The following SCYL3 variants were observed in gnomAD, a reference collection of about 807,000 sequenced individuals.
SCYL3 encodes SCY1 like pseudokinase 3.
SCYL3 carries 35 observed loss-of-function variants against 73.8 expected under a neutral mutation model. That is an observed-to-expected ratio of 0.47 (90% CI 0.36 to 0.63). The LOEUF (loss-of-function observed/expected upper bound fraction) is 0.63, where lower values mean the gene tolerates loss of function less well. Ranked by LOEUF, SCYL3 falls within the 20% of genes least tolerant of loss-of-function variation. SCYL3 has a pLI of 0.00. For synonymous variants in SCYL3, 277 were observed against 295.2 expected (o/e 0.94, Z 0.63); for missense variants, 712 against 798.9 (o/e 0.89, Z 1.31).
intron 5 of SCYL3, among the ~76,000 whole-genome samples, chr1:169,870,976 A>C (rs1162045936): frequency 2.0e-5 from 3 of 152,232 alleles, no homozygotes; most frequent in African/African-American, 4.8e-5. Context: ...TATAAGAACA[A>C]ATTTATAGAA....
intron 3 of SCYL3, 123 bp from the exon 4 acceptor site, chr1:169,876,214 CA>C (rs1163803201): frequency 1.4e-5 from 7 of 488,690 alleles, no homozygotes; most frequent in South Asian, 9.2e-5. Context: ...TACTAATCAC[CA>C]AAAAAATTAT....
At chr1:169,870,698 T>C (rs55658131) in intron 5 of SCYL3, among the ~76,000 whole-genome samples, 109 of 152,222 alleles carry the variant, frequency 7.2e-4, no homozygotes, top group Non-Finnish European at 1.4e-3. Flanking sequence ...AACAAAAGTT[T>C]CATAAAACAG....
chr1:169,859,533 A>G (rs914470127), intron 10 of SCYL3, among the ~76,000 whole-genome samples: 10 of 152,260 alleles, frequency 6.6e-5, no homozygotes, highest in African/African-American at 2.4e-4. Context: ...CTCACATCAC[A>G]GAACTGTAAT....
At chr1:169,856,294 C>A (rs1380796076) in intron 11 of SCYL3, among the ~76,000 whole-genome samples, 1 of 152,130 alleles carries the variant, frequency 6.6e-6, no homozygotes, top group East Asian at 1.9e-4. Context: ...TACTTACTTT[C>A]CTTTTAAGAA....
intron 12 of SCYL3, 127 bp from the exon 13 acceptor site, chr1:169,853,899 T>TA: frequency 1.0e-6 from 1 of 999,800 alleles, no homozygotes; most frequent in Non-Finnish European, 1.5e-6. Context: ...TCGTACTAAG[T>TA]AAAATAACTT....
In SCYL3 at chr1:169,893,444, G is replaced by C. The variant is rs998991; in HGVS notation, c.-51+344C>G. ...GACCCCGCGGGGTCACTGAAGGGCC[G>C]AGGCGCCGCTCTCGCTTCGCTGGCC... On this transcript the variant is annotated intron_variant, in intron 1 of 12. Coordinates refer to ENST00000367771, the MANE Select transcript of SCYL3 (RefSeq NM_020423.7). 4.0e-3 allele frequency among the ~76,000 whole-genome samples: 604 copies of C among 152,122 alleles called. 16 individuals are homozygous for C. The highest frequency in any genetic ancestry group is 0.029 in the Admixed American group (438 of 15,296).
chr1:169,850,451 CA>C lies in SCYL3; in HGVS notation c.*3261del. On this transcript the variant is annotated 3_prime_UTR_variant, in exon 13 of 13. Transcript: ENST00000367771. ...GTGTCTTCTTAGCTTAAACTTTTCA[CA>C]GTGCTGAGCACAGTGCTGACGACTT... 3 of 748,230 alleles carry C rather than the reference CA, an allele frequency of 4.0e-6. No homozygotes were observed. Among genetic ancestry groups the C allele is most frequent in the Non-Finnish European group, 6.7e-6 (3 of 448,356 alleles). The allele number at this position is 748,230 out of a possible 1,614,324, so 46.3% of individuals were successfully genotyped here. A position where few individuals can be genotyped will look rare whatever the true frequency, so the allele number is the denominator to read the frequency against.
chr1:169,853,222 AGATAGTCT>A lies in SCYL3; in HGVS notation c.*483_*490del. The A allele has an allele frequency of 1.9e-6, 1 of 532,064 alleles. No individual in the cohort carries two copies. The highest frequency in any genetic ancestry group is 3.3e-6 in the Non-Finnish European group (1 of 300,274). The allele number at this position is 532,064 out of a possible 1,614,324, so 33.0% of individuals were successfully genotyped here. On this transcript the variant is annotated 3_prime_UTR_variant, in exon 13 of 13. Coordinates refer to ENST00000367771, the MANE Select transcript of SCYL3 (RefSeq NM_020423.7). ...TAGGTCCACAAAGAACCATTTACTCAGATAGTCTAACTGTAAACAAATAAATAAGCTGC... is the reference window on the plus strand; with the variant it reads ...TAGGTCCACAAAGAACCATTTACTCAAACTGTAAACAAATAAATAAGCTGC...
intron 11 of SCYL3, 141 bp downstream of exon 11, chr1:169,858,900 G>A: frequency 1.4e-6 from 1 of 697,158 alleles, no homozygotes; most frequent in South Asian, 2.4e-5. Context: ...ATCCCCCCGA[G>A]AAGTTCAGAA....
intron 10 of SCYL3, chr1:169,859,863 T>C (rs1393684956): frequency 6.6e-6 from 1 of 152,198 alleles, no homozygotes; most frequent in East Asian, 1.9e-4. Context: ...TGATTGGGTG[T>C]CTGCACTAAA....
Position 169,887,503 on chromosome 1 carries a change from A to C in SCYL3, c.165+1173T>G, listed in dbSNP as rs576691481. Among the ~76,000 whole-genome samples the C allele has an allele frequency of 7.9e-5, 12 of 152,380 alleles. No homozygotes were observed. In the East Asian group the frequency reaches 2.3e-3, roughly 29 times the overall value. Reference sequence around the variant, plus strand: ...ATTAAAAAAAATGCACAATCTTATTAGATGAAAATAACAGGAGGCATGTTA... The same window carrying C: ...ATTAAAAAAAATGCACAATCTTATTCGATGAAAATAACAGGAGGCATGTTA... On this transcript the variant is annotated intron_variant, in intron 2 of 12. Coordinates refer to ENST00000367771, the MANE Select transcript of SCYL3 (RefSeq NM_020423.7).
chr1:169,883,436 G>A (rs1275063830), intron 2 of SCYL3, among the ~76,000 whole-genome samples: 1 of 152,170 alleles, frequency 6.6e-6, no homozygotes, highest in Non-Finnish European at 1.5e-5. Flanking sequence ...AAGCTCTAGG[G>A]TCTACCCTAT....
chr1:169,854,668 TA>T lies in SCYL3; in HGVS notation c.1608del (p.Thr537GlnfsTer65). 1 of 1,614,088 alleles carries T rather than the reference TA, an allele frequency of 6.2e-7. No individual in the cohort carries two copies. ...TGCTCCCCTGAGGTAACAGGTTTTG[TA>T]GCAGTGATTCCACCTCCTGGGTTTA... ...TKVNPGGGITATKPVTSGEQK... is the reference protein window; with the variant it reads ...TKVNPGGGITXTKPVTSGEQK... On this transcript the variant is annotated frameshift_variant, in exon 12 of 13. Coordinates refer to ENST00000367771, the MANE Select transcript of SCYL3 (RefSeq NM_020423.7). LOFTEE classifies it high-confidence loss of function.
intron 6 of SCYL3, 104 bp downstream of exon 6, chr1:169,870,151 C>A: frequency 1.2e-6 from 1 of 808,408 alleles, no homozygotes; most frequent in Non-Finnish European, 1.9e-6. Flanking sequence ...GCAAAAGATT[C>A]CTTACTGTGC....
At position 169,862,754 on chromosome 1, in the gene SCYL3, C is replaced by T. The variant is rs764288763; in HGVS notation, c.999G>A (p.Leu333=). The T allele has an allele frequency of 3.2e-5, 51 of 1,614,114 alleles. No individual in the cohort carries two copies. The highest frequency in any genetic ancestry group is 4.2e-5 in the Non-Finnish European group (50 of 1,180,056). Residue 333 remains leucine (L), a synonymous_variant, in exon 10 of 13, where the codon CTG becomes CTA. Coordinates refer to ENST00000367771, the MANE Select transcript of SCYL3 (RefSeq NM_020423.7). ...GCACGGGGATCACCCGTGACTGGAA[C>T]AGGGCTGGTGAGAGCAAGCAAGGAG... ...GETPCLLSPA[L]FQSRVIPVLL...
At position 169,854,431 on chromosome 1, in the gene SCYL3, C is replaced by CTT; in HGVS notation, c.1844_1845dup (p.Asp616LysfsTer11). ...TCAGCAAACCAATCCATCTCAGGAT[C>CTT]TTTTACTGGCTTCTTTTTTACTTGA... On this transcript the variant is annotated frameshift_variant, in exon 12 of 13. Coordinates refer to ENST00000367771, the MANE Select transcript of SCYL3 (RefSeq NM_020423.7). LOFTEE classifies it high-confidence loss of function. 6.2e-7 allele frequency: 1 copy of CTT among 1,614,090 alleles called. No individual in the cohort carries two copies. Among genetic ancestry groups the CTT allele is most frequent in the Non-Finnish European group, 8.5e-7 (1 of 1,179,960 alleles).
At chr1:169,890,653 G>A (rs927919022) in intron 1 of SCYL3, among the ~76,000 whole-genome samples, 1 of 152,314 alleles carries the variant, frequency 6.6e-6, no homozygotes, top group East Asian at 1.9e-4. Context: ...AAAGGCTAAA[G>A]CTATCTAAAA....
chr1:169,874,851 A>T (rs1443068737), intron 4 of SCYL3, among the ~76,000 whole-genome samples: 1 of 152,112 alleles, frequency 6.6e-6, no homozygotes, highest in African/African-American at 2.4e-5. Context: ...CACTTGAACC[A>T]GGGAGGCAGA....
At position 169,851,603 on chromosome 1, in the gene SCYL3, C is replaced by A; in HGVS notation, c.*2110G>T. 1 of 599,760 alleles carries A rather than the reference C, an allele frequency of 1.7e-6. No homozygotes were observed. The highest frequency in any genetic ancestry group is 2.8e-6 in the Non-Finnish European group (1 of 356,224). The allele number at this position is 599,760 out of a possible 1,614,324, so 37.2% of individuals were successfully genotyped here. A position where few individuals can be genotyped will look rare whatever the true frequency, so the allele number is the denominator to read the frequency against. On this transcript the variant is annotated 3_prime_UTR_variant, in exon 13 of 13. Coordinates refer to ENST00000367771, the MANE Select transcript of SCYL3 (RefSeq NM_020423.7). ...GTTAGCAGACTATCATTTTTTCCTG[C>A]AAAGACAACTCTATAACTAACTATT...
Sources: gnomAD v4.1 joint callset for allele counts (sites outside exome capture counted in the v4.1 genomes callset) on GRCh38, gnomAD v4.1.1 for gene constraint, MANE v1.5 for transcripts, NCBI Gene and HGNC (gene_info 2026-07-23, HGNC 2026-07-21) for gene names.